MYOF: variants seen among roughly 807,000 people sequenced by gnomAD.
The protein encoded by MYOF is fer-1-like 3, myoferlin.
Under a neutral mutation model 284.2 loss-of-function variants are expected in MYOF, and 244 were observed. The ratio of observed to expected loss-of-function variants is 0.86; its 90% CI spans 0.77 to 0.95. The LOEUF (loss-of-function observed/expected upper bound fraction) is 0.95, where lower values mean the gene tolerates loss of function less well. Ranked by LOEUF, MYOF falls within the 40% of genes least tolerant of loss-of-function variation. The pLI is 0.00. For synonymous variants in MYOF, 904 were observed against 919.7 expected (o/e 0.98, Z 0.31); for missense variants, 2,496 against 2,560.6 (o/e 0.97, Z 0.54).
Position 93,329,778 on chromosome 10 carries a change from TAGAC to T in MYOF, c.4864_4867del (p.Val1622MetfsTer12), listed in dbSNP as rs774468679. On this transcript the variant is annotated frameshift_variant, in exon 44 of 54. Coordinates refer to ENST00000359263, the MANE Select transcript of MYOF (RefSeq NM_013451.4). LOFTEE classifies it high-confidence loss of function. ...ATCCCGGGTAAAGGTGTCATAATCATAGACAGAAATTTTCAGGTCTTTTTCTTGA... is the reference window on the plus strand; with the variant it reads ...ATCCCGGGTAAAGGTGTCATAATCATAGAAATTTTCAGGTCTTTTTCTTGA... 4 of 1,614,226 alleles carry T rather than the reference TAGAC, an allele frequency of 2.5e-6. No individual in the cohort carries two copies. The highest frequency in any genetic ancestry group is 1.1e-5 in the South Asian group (1 of 91,092).
chr10:93,458,405 C>A (rs1174425717), intron 1 of MYOF, among the ~76,000 whole-genome samples: 1 of 151,974 alleles, frequency 6.6e-6, no homozygotes, highest in East Asian at 1.9e-4. Flanking sequence ...ATCCCCCTTT[C>A]ACAGCTAAGG....
intron 46 of MYOF, among the ~76,000 whole-genome samples, chr10:93,325,029 C>T (rs373157985): frequency 5.9e-5 from 9 of 152,138 alleles, no homozygotes; most frequent in Non-Finnish European, 1.2e-4. Flanking sequence ...CCACCTGCCT[C>T]GACCTCCCAA....
intron 3 of MYOF, among the ~76,000 whole-genome samples, chr10:93,445,891 AC>A (rs1274349732): frequency 6.6e-6 from 1 of 152,212 alleles, no homozygotes; most frequent in Non-Finnish European, 1.5e-5. Flanking sequence ...AAGCGGTCCC[AC>A]ACTGAGCAGT....
At chr10:93,311,517 A>C (rs1842389379) in intron 51 of MYOF, among the ~76,000 whole-genome samples, 1 of 150,542 alleles carries the variant, frequency 6.6e-6, no homozygotes, top group Admixed American at 6.7e-5. Context: ...GCTACTTGGG[A>C]GGCAGAGGTT....
rs549192257 is a variant in MYOF at position 93,460,333 on chromosome 10, A to T, written c.89-3396T>A. 1.6e-4 allele frequency among the ~76,000 whole-genome samples: 24 copies of T among 152,364 alleles called. No individual in the cohort carries two copies. The South Asian group carries it at 3.9e-3, about 25-fold the overall frequency. On this transcript the variant is annotated intron_variant, in intron 1 of 53. Coordinates refer to ENST00000359263, the MANE Select transcript of MYOF (RefSeq NM_013451.4). Reference sequence around the variant, plus strand: ...CCTCTCTGCCCTCAGGAGGCACAGGATTGTTCCAGAGTCAGCAGCTGGGGA... The same window carrying T: ...CCTCTCTGCCCTCAGGAGGCACAGGTTTGTTCCAGAGTCAGCAGCTGGGGA...
At position 93,387,845 on chromosome 10, in the gene MYOF, T is replaced by G. The variant is rs778130831; in HGVS notation, c.1650A>C (p.Pro550=). The G allele has an allele frequency of 1.2e-6, 2 of 1,614,114 alleles. No individual in the cohort carries two copies. Among genetic ancestry groups the G allele is most frequent in the Non-Finnish European group, 8.5e-7 (1 of 1,180,020 alleles). ...TTGAAATGGGCTCAAGCTTTTTATC[T>G]GGTGGTGTCTTCTCAAGAAAAGTGG... ...ELATFLEKTP[P]DKKLEPISND... The change falls in exon 19 of 54, where the codon CCA becomes CCC. Residue 550 remains proline, a synonymous_variant. Transcript: ENST00000359263.
chr10:93,465,849 C>T (rs1260044125), intron 1 of MYOF, among the ~76,000 whole-genome samples: 1 of 152,154 alleles, frequency 6.6e-6, no homozygotes, highest in Non-Finnish European at 1.5e-5. Flanking sequence ...GGGCAGCCTC[C>T]TTGCATCCCC....
chr10:93,327,167 C>T (rs787686), intron 45 of MYOF, among the ~76,000 whole-genome samples: 1 of 152,010 alleles, frequency 6.6e-6, no homozygotes, highest in Non-Finnish European at 1.5e-5. Context: ...TCTGCAGTCT[C>T]CCCTGCTGGA....
chr10:93,352,263 A>G (rs972098976), intron 32 of MYOF, among the ~76,000 whole-genome samples: 4 of 152,222 alleles, frequency 2.6e-5, no homozygotes, highest in Admixed American at 6.5e-5. Context: ...AATGAAAGTA[A>G]TATCTGCTTC....
At chr10:93,358,688 C>T (rs1844924017) in intron 29 of MYOF, among the ~76,000 whole-genome samples, 1 of 152,116 alleles carries the variant, frequency 6.6e-6, no homozygotes, top group Admixed American at 6.6e-5. Flanking sequence ...CCTCAGCAAC[C>T]TAACAGAGGA....
rs572056820 is a variant in MYOF, at chr10:93,432,684, G to T, written c.237-1168C>A. On this transcript the variant is annotated intron_variant, in intron 3 of 53. Coordinates refer to ENST00000359263, the MANE Select transcript of MYOF (RefSeq NM_013451.4). ...TACTTCTCTCTTCCTAGAACTTGGT[G>T]GATAATATCAGCCTCTGCCACTTAC... Among the ~76,000 whole-genome samples the T allele has an allele frequency of 8.5e-5, 13 of 152,098 alleles. 1 individual carries two copies. The highest frequency in any genetic ancestry group is 1.3e-4 in the Non-Finnish European group (9 of 68,026).
chr10:93,469,531 G>A (rs547516057), intron 1 of MYOF, among the ~76,000 whole-genome samples: 43 of 152,328 alleles, frequency 2.8e-4, no homozygotes, highest in African/African-American at 9.1e-4. Context: ...GGAATTTGGG[G>A]CCCCAGACAA....
At chr10:93,378,687 G>A (rs1589467104) in intron 21 of MYOF, among the ~76,000 whole-genome samples, 1 of 51,576 alleles carries the variant, frequency 1.9e-5, no homozygotes, top group Non-Finnish European at 3.6e-5. Context: ...GTGTATGTGT[G>A]TGTGTGTATA....
At chr10:93,416,479 C>T (rs560803222) in intron 5 of MYOF, among the ~76,000 whole-genome samples, 43 of 152,042 alleles carry the variant, frequency 2.8e-4, no homozygotes, top group African/African-American at 9.2e-4. Context: ...GCCGAGATCG[C>T]GCCACTGCAC....
Position 93,393,413 on chromosome 10 carries a change from G to T in MYOF, c.1418-458C>A, listed in dbSNP as rs1192007792. On this transcript the variant is annotated intron_variant, in intron 16 of 53. Coordinates refer to ENST00000359263, the MANE Select transcript of MYOF (RefSeq NM_013451.4). ...AGCATGGTTTGTTTCTTTGTCGGGG[G>T]GAGGGCGATGTTGACAGCTCGTTGT... 3.9e-5 allele frequency among the ~76,000 whole-genome samples: 6 copies of T among 152,292 alleles called. No individual in the cohort carries two copies. In the South Asian group the frequency reaches 1.2e-3, roughly 32 times the overall value.
At chr10:93,371,334 G>T (rs1845578304) in intron 24 of MYOF, among the ~76,000 whole-genome samples, 1 of 152,230 alleles carries the variant, frequency 6.6e-6, no homozygotes, top group Non-Finnish European at 1.5e-5. Context: ...TATCTGAAAA[G>T]GTTATTATAA....
chr10:93,462,122 A>C (rs2056898034), intron 1 of MYOF, among the ~76,000 whole-genome samples: 1 of 144,726 alleles, frequency 6.9e-6, no homozygotes. Flanking sequence ...TTAGAGTCTC[A>C]CTGTGTTGCC....
At chr10:93,414,083 G>A (rs1746490) in intron 5 of MYOF, among the ~76,000 whole-genome samples, 134,565 of 152,244 alleles carry the variant, frequency 0.88, 60,470 homozygotes, top group Non-Finnish European at 0.96. Flanking sequence ...TGGCAGAGAC[G>A]TTCTCTCTCT....
intron 13 of MYOF, among the ~76,000 whole-genome samples, chr10:93,398,553 C>G (rs898075643): frequency 1.3e-5 from 2 of 152,136 alleles, no homozygotes; most frequent in African/African-American, 4.8e-5. Flanking sequence ...TTGTTATTAT[C>G]TCCCTTTATA....
Sources: gnomAD v4.1 joint callset for allele counts (sites outside exome capture counted in the v4.1 genomes callset) on GRCh38, gnomAD v4.1.1 for gene constraint, MANE v1.5 for transcripts, NCBI Gene and HGNC (gene_info 2026-07-23, HGNC 2026-07-21) for gene names.